IFT140: variants seen among roughly 807,000 people sequenced by gnomAD.
The protein encoded by IFT140 is intraflagellar transport 140.
IFT140 carries 133 observed loss-of-function variants against 164.6 expected under a neutral mutation model. The ratio of observed to expected loss-of-function variants is 0.81; its 90% CI spans 0.70 to 0.93. The LOEUF is 0.93. IFT140 is among the 40% of genes least tolerant of loss of function. The pLI is 0.00. For missense variants in IFT140, 2,045 were observed against 1,972.3 expected, an observed-to-expected ratio of 1.04 and a Z score of -0.70; for synonymous variants, 860 against 817.3, an observed-to-expected ratio of 1.05 and a Z score of -0.89.
chr16:1,513,695 A>T (rs963460439), intron 30 of IFT140, among the ~76,000 whole-genome samples: 2 of 148,034 alleles, frequency 1.4e-5, no homozygotes, highest in Non-Finnish European at 3.0e-5. Flanking sequence ...CTTTTTTGAG[A>T]CGGAGTCTTG....
intron 30 of IFT140, chr16:1,518,005 T>C (rs1211351004): frequency 2.2e-6 from 1 of 453,314 alleles, no homozygotes; most frequent in East Asian, 4.2e-5. Context: ...GCCTGGCTAA[T>C]TTTTCCCCTT....
intron 30 of IFT140, among the ~76,000 whole-genome samples, chr16:1,517,271 A>G (rs1336333509): frequency 4.6e-5 from 7 of 151,012 alleles, no homozygotes; most frequent in Non-Finnish European, 1.0e-4. Flanking sequence ...AATGGCGTGA[A>G]CCCAGGAGGC....
chr16:1,566,341 G>C (rs771256727), intron 15 of IFT140, 50 bp from the exon 16 acceptor site: 2 of 1,602,402 alleles, frequency 1.2e-6, no homozygotes, highest in African/African-American at 2.7e-5. Flanking sequence ...CAGACCAGCG[G>C]GTTGGTGGGC....
At chr16:1,584,478 T>A (rs1474747971) in intron 10 of IFT140, 58 bp from the exon 11 acceptor site, 2 of 1,389,602 alleles carry the variant, frequency 1.4e-6, no homozygotes, top group Non-Finnish European at 2.0e-6. Context: ...AGGAGAAAGA[T>A]GCGGTCAGGA....
chr16:1,535,871 G>A (rs1467187513), intron 19 of IFT140, among the ~76,000 whole-genome samples: 1 of 152,232 alleles, frequency 6.6e-6, no homozygotes, highest in Non-Finnish European at 1.5e-5. Context: ...GCTTCCACCG[G>A]CTCTCAGAAC....
chr16:1,582,448 A>G (rs1389092862), intron 12 of IFT140, among the ~76,000 whole-genome samples: 1 of 152,202 alleles, frequency 6.6e-6, no homozygotes, highest in East Asian at 1.9e-4. Flanking sequence ...TGACGCGATC[A>G]CTTCTGTCCA....
chr16:1,574,950 G>A (rs2141673094), intron 13 of IFT140, among the ~76,000 whole-genome samples: 1 of 152,338 alleles, frequency 6.6e-6, no homozygotes, highest in African/African-American at 2.4e-5. Flanking sequence ...CCTGAGGAGG[G>A]ATAGTGACCT....
intron 19 of IFT140, among the ~76,000 whole-genome samples, chr16:1,527,955 T>C (rs558324894): frequency 1.3e-5 from 2 of 152,316 alleles, no homozygotes; most frequent in African/African-American, 4.8e-5. Flanking sequence ...AGGACTTGGT[T>C]TGTGTCAGCT....
At chr16:1,513,897 T>A (rs1331014755) in intron 30 of IFT140, among the ~76,000 whole-genome samples, 3 of 144,398 alleles carry the variant, frequency 2.1e-5, no homozygotes, top group Non-Finnish European at 3.0e-5. Context: ...ATGGTCTCCA[T>A]CTCCTGACCT....
At chr16:1,514,369 C>CAAATAAATAAATAAATAAATAAAT (rs544738443) in intron 30 of IFT140, 16 of 151,896 alleles carry the variant, frequency 1.1e-4, no homozygotes, top group African/African-American at 3.1e-4. Context: ...CACTCCATCT[C>CAAATAAATAAATAAATAAATAAAT]AAATAAATAA....
chr16:1,572,659 C>T (rs1372425491), intron 13 of IFT140, among the ~76,000 whole-genome samples: 1 of 152,120 alleles, frequency 6.6e-6, no homozygotes, highest in Non-Finnish European at 1.5e-5. Context: ...GAAACAACAA[C>T]AAAAAAGAAA....
chr16:1,556,475 G>A (rs557348257), intron 19 of IFT140, among the ~76,000 whole-genome samples: 92 of 152,392 alleles, frequency 6.0e-4, no homozygotes, highest in African/African-American at 1.9e-3. Context: ...TGTACGGTCG[G>A]GGCCGGGCCA....
chr16:1,524,969 G>C, intron 22 of IFT140, 53 bp from the exon 23 acceptor site: 2 of 1,569,244 alleles, frequency 1.3e-6, no homozygotes, highest in Non-Finnish European at 1.7e-6. Flanking sequence ...CTCCAACCCG[G>C]GACGGCCCCC....
At chr16:1,516,629 G>T (rs2040356493) in intron 30 of IFT140, among the ~76,000 whole-genome samples, 1 of 151,894 alleles carries the variant, frequency 6.6e-6, no homozygotes, top group Non-Finnish European at 1.5e-5. Context: ...AATTATCTGG[G>T]CGTGGTGGCG....
chr16:1,559,468 G>A (rs1015188778), intron 18 of IFT140, among the ~76,000 whole-genome samples: 6 of 152,156 alleles, frequency 3.9e-5, no homozygotes, highest in African/African-American at 1.4e-4. Flanking sequence ...CTCATACCTC[G>A]GAGAAACTAG....
At chr16:1,563,690 C>T (rs548899368) in intron 17 of IFT140, among the ~76,000 whole-genome samples, 1 of 152,152 alleles carries the variant, frequency 6.6e-6, no homozygotes, top group African/African-American at 2.4e-5. Flanking sequence ...GTGACGCTGC[C>T]ATCAGTGGGA....
rs34985348 is a variant in IFT140 at position 1,519,989 on chromosome 16, T to C, written c.3932A>G (p.Tyr1311Cys). 1.2e-6 allele frequency: 2 copies of C among 1,606,790 alleles called. No homozygotes were observed. Among genetic ancestry groups the C allele is most frequent in the East Asian group, 2.2e-5 (1 of 44,822 alleles). The change falls in exon 29 of 31, where the codon TAC (tyrosine) becomes TGC (cysteine). Residue 1311 changes from tyrosine (Y) to cysteine (C), a missense_variant. Coordinates refer to ENST00000426508, the MANE Select transcript of IFT140 (RefSeq NM_014714.4). Reference sequence around the variant, plus strand: ...GGCCTTGGCCTTGGCCAGGCACTTGTAGGCCTCGGTCAGCGCCCCGTGGGC... The same window carrying C: ...GGCCTTGGCCTTGGCCAGGCACTTGCAGGCCTCGGTCAGCGCCCCGTGGGC... The part of the protein sequence containing the change: ...DKAHGALTEA[Y>C]KCLAKAKAKS...
chr16:1,535,714 T>A (rs986918992), intron 19 of IFT140, among the ~76,000 whole-genome samples: 1 of 152,172 alleles, frequency 6.6e-6, no homozygotes, highest in African/African-American at 2.4e-5. Context: ...TTGGACAAGG[T>A]CCCACGAGGG....
chr16:1,595,595 C>A, intron 4 of IFT140, among the ~76,000 whole-genome samples: 1 of 148,630 alleles, frequency 6.7e-6, no homozygotes, highest in Non-Finnish European at 1.5e-5. Context: ...GAGTGAGACT[C>A]CATCTCAGAA....
Sources: gnomAD v4.1 joint callset for allele counts (sites outside exome capture counted in the v4.1 genomes callset) on GRCh38, gnomAD v4.1.1 for gene constraint, MANE v1.5 for transcripts, NCBI Gene and HGNC (gene_info 2026-07-23, HGNC 2026-07-21) for gene names.